The following ATP6V0A2 variants were observed in gnomAD, a reference collection of about 807,000 sequenced individuals.
ATP6V0A2 encodes V-type proton ATPase 116 kDa subunit a 2.
A neutral mutation model predicts 104.4 loss-of-function variants in ATP6V0A2; 58 were observed. The observed-to-expected ratio is 0.56, with a 90% CI of 0.45 to 0.69. The LOEUF is 0.69. Among genes scored for constraint, ATP6V0A2 ranks in the 30% least tolerant of loss-of-function variants. The pLI, the probability that ATP6V0A2 is intolerant of heterozygous loss-of-function variation, is 0.00. For synonymous variants in ATP6V0A2, 376 were observed against 397.9 expected (o/e 0.95, Z 0.65); for missense variants, 938 against 1,062.9 (o/e 0.88, Z 1.63).
In ATP6V0A2 at chr12:123,727,292, C is replaced by CT. The variant is rs10607481; in HGVS notation, c.522-477dup. Among the ~76,000 whole-genome samples the CT allele has an allele frequency of 3.6e-3, 522 of 146,968 alleles. 4 individuals carry two copies. The highest frequency in any genetic ancestry group is 0.011 in the African/African-American group (448 of 39,996). On this transcript the variant is annotated intron_variant, in intron 5 of 19. Coordinates refer to ENST00000330342, the MANE Select transcript of ATP6V0A2 (RefSeq NM_012463.4). Reference sequence around the variant, plus strand: ...CCCTTTGGATTCCAAGAATTTCTCTCTTTTTTTTTTTTTTGAGGCAGAGTC... The same window carrying CT: ...CCCTTTGGATTCCAAGAATTTCTCTCTTTTTTTTTTTTTTTGAGGCAGAGTC...
Position 123,744,891 on chromosome 12 carries a change from C to T in ATP6V0A2, c.1524C>T (p.Val508=), listed in dbSNP as rs182439983. 2.3e-4 allele frequency: 374 copies of T among 1,614,146 alleles called. 1 individual carries two copies. The East Asian group carries it at 6.4e-3, about 28-fold the overall frequency. Residue 508 remains valine, a synonymous_variant, in exon 13 of 20, where the codon GTC becomes GTT. Transcript: ENST00000330342. This position sits in a 1 kb window ranked among gnomAD's most constrained non-coding sequence, Gnocchi z 5.4. ...HKKMVLWNDS[V]VRHNSILQLD... is the part of the protein sequence containing the mutation. ...CTGCTTTTTGTTACAGTGACAGCGT[C>T]GTTAGACACAACAGCATTTTGCAGC...
chr12:123,749,200 G>T (rs574696027), intron 15 of ATP6V0A2, among the ~76,000 whole-genome samples: 1 of 152,122 alleles, frequency 6.6e-6, no homozygotes, highest in Non-Finnish European at 1.5e-5. Flanking sequence ...GAGGCAGGAG[G>T]ATCGCTTGAG....
At chr12:123,746,302 T>C (rs1956661491) in intron 13 of ATP6V0A2, among the ~76,000 whole-genome samples, 1 of 151,906 alleles carries the variant, frequency 6.6e-6, no homozygotes, top group African/African-American at 2.4e-5. Flanking sequence ...AGTAAACCAA[T>C]GTGTGTACGT....
At chr12:123,720,869 A>G (rs921779195) in intron 2 of ATP6V0A2, among the ~76,000 whole-genome samples, 1 of 149,588 alleles carries the variant, frequency 6.7e-6, no homozygotes, top group South Asian at 2.1e-4. Context: ...CTGTCTCTTA[A>G]AAAAAAAAAG....
At chr12:123,730,430 G>A (rs1372486405) in intron 6 of ATP6V0A2, among the ~76,000 whole-genome samples, 1 of 151,878 alleles carries the variant, frequency 6.6e-6, no homozygotes, top group Admixed American at 6.6e-5. Context: ...ATTACAGGCA[G>A]GAGCCACCGC....
intron 1 of ATP6V0A2, among the ~76,000 whole-genome samples, chr12:123,713,973 C>CGGTTCCT (rs751654049): frequency 6.6e-6 from 1 of 152,126 alleles, no homozygotes; most frequent in Non-Finnish European, 1.5e-5. Context: ...AGATGCAGGG[C>CGGTTCCT]GGTTCCTGGT....
intron 6 of ATP6V0A2, among the ~76,000 whole-genome samples, chr12:123,730,056 T>C (rs7974427): frequency 0.039 from 720 of 18,246 alleles, 12 homozygotes; most frequent in East Asian, 0.15. Flanking sequence ...TTTTTTTTTT[T>C]TTTTTTTTTT....
chr12:123,736,583 T>C (rs1001074022), intron 8 of ATP6V0A2, among the ~76,000 whole-genome samples: 10 of 152,232 alleles, frequency 6.6e-5, no homozygotes, highest in African/African-American at 2.4e-4. Flanking sequence ...TTCATTTTTC[T>C]CTTGATGACA....
At chr12:123,756,637 C>T (rs769268841) in intron 18 of ATP6V0A2, 178 bp from the exon 19 acceptor site, 19 of 627,884 alleles carry the variant, frequency 3.0e-5, no homozygotes, top group Non-Finnish European at 4.7e-5. Flanking sequence ...TGTTTGAGAC[C>T]GTCTCGGAGC....
rs1388861708 is a variant in ATP6V0A2, at chr12:123,756,977, G to T, written c.2456G>T (p.Arg819Leu). The T allele has an allele frequency of 6.2e-7, 1 of 1,613,968 alleles. No individual in the cohort carries two copies. The highest frequency in any genetic ancestry group is 8.5e-7 in the Non-Finnish European group (1 of 1,180,026). Residue 819 changes from arginine (R) to leucine (L), a missense_variant, in exon 19 of 20, where the codon CGC (arginine) becomes CTC (leucine). By Grantham distance (102) the Arg-to-Leu change is moderately radical. Transcript: ENST00000330342. ...EGLSAFLHAIRLHWVEFQNKF... is the reference protein window; with the variant it reads ...EGLSAFLHAILLHWVEFQNKF... ...CTTTCTGCGTTTCTTCACGCCATAC[G>T]CCTCCACTGGTGAGTTTGAAACCTA... is the stretch of plus-strand genomic sequence containing the variant.
At chr12:123,730,037 G>C (rs1236820367) in intron 6 of ATP6V0A2, among the ~76,000 whole-genome samples, 2 of 132,572 alleles carry the variant, frequency 1.5e-5, no homozygotes, top group Non-Finnish European at 1.6e-5. Context: ...ACCATCAGGA[G>C]TTAGGTCTTT....
chr12:123,735,647 G>A, intron 8 of ATP6V0A2, 23 bp downstream of exon 8: 2 of 1,583,010 alleles, frequency 1.3e-6, no homozygotes, highest in Non-Finnish European at 1.7e-6. Context: ...GAAGTGGATT[G>A]CCTCTTTATC....
At position 123,750,966 on chromosome 12, in the gene ATP6V0A2, G is replaced by A. The variant is rs372535326; in HGVS notation, c.1936-144G>A. 20 of 1,101,426 alleles carry A rather than the reference G, an allele frequency of 1.8e-5. No individual in the cohort carries two copies. The East Asian group carries it at 2.2e-4, about 12-fold the overall frequency. The allele number at this position is 1,101,426 out of a possible 1,614,324, so 68.2% of individuals were successfully genotyped here. A position where few individuals can be genotyped will look rare whatever the true frequency, so the allele number is the denominator to read the frequency against. On this transcript the variant is annotated intron_variant, in intron 15 of 19. Transcript: ENST00000330342. ...CTATGAGTTTAGGAAAAGAAAACCC[G>A]CTGGCAAGTGTAGCTGGCTGGCATT... is the stretch of plus-strand genomic sequence containing the variant.
At position 123,759,501 on chromosome 12, in the gene ATP6V0A2, C is replaced by T. The variant is rs1439209770; in HGVS notation, c.*1469C>T. The T allele has an allele frequency of 6.6e-6, 1 of 152,152 alleles. No homozygotes were observed. Among genetic ancestry groups the T allele is most frequent in the Non-Finnish European group, 1.5e-5 (1 of 68,034 alleles). The allele number at this position is 152,152 out of a possible 1,614,324, so 9.4% of individuals were successfully genotyped here. A position where few individuals can be genotyped will look rare whatever the true frequency, so the allele number is the denominator to read the frequency against. On this transcript the variant is annotated 3_prime_UTR_variant, in exon 20 of 20. Transcript: ENST00000330342. ...AGTCAGTCCTATTGAACATTTTGAC[C>T]TATATTCTTGCAAATTATGTTAATT... is the stretch of plus-strand genomic sequence containing the variant.
In ATP6V0A2 at chr12:123,759,359, GTTAAT is replaced by G. The variant is rs1335659435; in HGVS notation, c.*1332_*1336del. 2.6e-5 allele frequency: 4 copies of G among 152,134 alleles called. No homozygotes were observed. Among genetic ancestry groups the G allele is most frequent in the East Asian group, 1.9e-4 (1 of 5,204 alleles). The allele number at this position is 152,134 out of a possible 1,614,324, so 9.4% of individuals were successfully genotyped here. On this transcript the variant is annotated 3_prime_UTR_variant, in exon 20 of 20. Transcript: ENST00000330342. The stretch of plus-strand genomic sequence containing the variant: ...GCTAAAGTTCTGATAAAAGTATTGA[GTTAAT>G]TTAAACTTTCAAACACTGTTTAGAT...
At chr12:123,715,676 A>G (rs1956332463) in intron 1 of ATP6V0A2, among the ~76,000 whole-genome samples, 1 of 152,230 alleles carries the variant, frequency 6.6e-6, no homozygotes, top group African/African-American at 2.4e-5. Context: ...AATGTGGAAA[A>G]CATAAGAATA....
chr12:123,760,462 T>G lies in ATP6V0A2; in HGVS notation c.*2430T>G. The G allele has an allele frequency of 6.6e-6, 1 of 152,232 alleles. No individual in the cohort carries two copies. The highest frequency in any genetic ancestry group is 1.5e-5 in the Non-Finnish European group (1 of 68,040). 9.4% of individuals were successfully genotyped at this position (152,232 alleles called of 1,614,324 possible). A position where few individuals can be genotyped will look rare whatever the true frequency, so the allele number is the denominator to read the frequency against. ...AGAGTTATCGCTCAGTTTTGTTTGT[T>G]AAGGCTTTTGCTAGAACCTATTATG... On this transcript the variant is annotated 3_prime_UTR_variant, in exon 20 of 20. Transcript: ENST00000330342.
At chr12:123,722,508 T>G in intron 3 of ATP6V0A2, 60 bp downstream of exon 3, 1 of 954,594 alleles carries the variant, frequency 1.0e-6, no homozygotes, top group Non-Finnish European at 1.7e-6. Flanking sequence ...CTTACTTACT[T>G]ATTTCATGTT....
At chr12:123,728,837 C>T in intron 6 of ATP6V0A2, among the ~76,000 whole-genome samples, 1 of 150,110 alleles carries the variant, frequency 6.7e-6, no homozygotes, top group Non-Finnish European at 1.5e-5. Flanking sequence ...TCCCTCTGAT[C>T]ACTTGATTAG....
Sources: allele counts gnomAD v4.1 joint callset (sites outside exome capture counted in the v4.1 genomes callset), GRCh38; gene constraint gnomAD v4.1.1; non-coding constraint Gnocchi (gnomAD v3.1); transcripts MANE v1.5; gene names NCBI Gene and HGNC (gene_info 2026-07-23, HGNC 2026-07-21).